The following DIPK1A variants were observed in gnomAD, a reference collection of about 807,000 sequenced individuals.
DIPK1A encodes divergent protein kinase domain 1A.
Under a neutral mutation model 40.8 loss-of-function variants are expected in DIPK1A, and 27 were observed. The observed-to-expected ratio is 0.66, with a 90% CI of 0.49 to 0.91. DIPK1A has a LOEUF of 0.91. Ranked by LOEUF, DIPK1A falls within the 40% of genes least tolerant of loss-of-function variation. The probability of loss-of-function intolerance (pLI) is 0.00; values close to 1 mark genes in which losing one functional copy is unlikely to be tolerated. For missense variants in DIPK1A, 412 were observed against 505.7 expected, an observed-to-expected ratio of 0.81 and a Z score of 1.78; for synonymous variants, 166 against 171.3, an observed-to-expected ratio of 0.97 and a Z score of 0.24.
At chr1:92,860,416 G>A (rs1320400085) in intron 2 of DIPK1A, among the ~76,000 whole-genome samples, 1 of 151,950 alleles carries the variant, frequency 6.6e-6, no homozygotes, top group Non-Finnish European at 1.5e-5. Flanking sequence ...TAATTATAAG[G>A]AAACACAAGC....
chr1:92,908,637 G>C (rs1287774519), intron 1 of DIPK1A, among the ~76,000 whole-genome samples: 2 of 152,122 alleles, frequency 1.3e-5, no homozygotes, highest in Non-Finnish European at 2.9e-5. Flanking sequence ...GACTATGAAG[G>C]GGAGGACAGA....
intron 4 of DIPK1A, chr1:92,833,239 C>T: frequency 7.3e-6 from 5 of 688,548 alleles, no homozygotes; most frequent in South Asian, 5.1e-5. Flanking sequence ...GATTCTTGAC[C>T]CTAGTTGCTT....
chr1:92,937,432 T>G (rs1006352053), intron 1 of DIPK1A, among the ~76,000 whole-genome samples: 1 of 152,242 alleles, frequency 6.6e-6, no homozygotes, highest in Non-Finnish European at 1.5e-5. Flanking sequence ...CTTTTGCAGA[T>G]GTGACTTTCA....
chr1:92,900,484 A>G (rs1173600392), intron 1 of DIPK1A, among the ~76,000 whole-genome samples: 1 of 151,744 alleles, frequency 6.6e-6, no homozygotes, highest in Non-Finnish European at 1.5e-5. Flanking sequence ...TCTTTGTTGA[A>G]TTTCTTGGTC....
At chr1:92,865,589 TA>T (rs1233552025) in intron 2 of DIPK1A, among the ~76,000 whole-genome samples, 1 of 152,192 alleles carries the variant, frequency 6.6e-6, no homozygotes, top group Non-Finnish European at 1.5e-5. Flanking sequence ...CTTGGAGTTT[TA>T]AAAGCCTATT....
chr1:92,871,596 T>C (rs1012477982), intron 2 of DIPK1A, among the ~76,000 whole-genome samples: 4 of 152,234 alleles, frequency 2.6e-5, no homozygotes, highest in African/African-American at 9.6e-5. Context: ...AACTGGTTGA[T>C]TCTTTTATCC....
chr1:92,954,654 C>T (rs1258492291), intron 1 of DIPK1A, among the ~76,000 whole-genome samples: 3 of 152,010 alleles, frequency 2.0e-5, no homozygotes, highest in East Asian at 1.9e-4. Context: ...GGATTACAGA[C>T]GTGAGCCTCC....
At chr1:92,941,572 T>C (rs1249143791) in intron 1 of DIPK1A, among the ~76,000 whole-genome samples, 1 of 152,136 alleles carries the variant, frequency 6.6e-6, no homozygotes. Flanking sequence ...CAATTGCCCT[T>C]TGTTTGGTGT....
At chr1:92,866,124 C>CA (rs1203512543) in intron 2 of DIPK1A, among the ~76,000 whole-genome samples, 5 of 152,178 alleles carry the variant, frequency 3.3e-5, no homozygotes, top group African/African-American at 1.2e-4. Flanking sequence ...TTTTTTGAGA[C>CA]AGAGTCTCTC....
chr1:92,959,390 T>C (rs1343535459), intron 1 of DIPK1A, among the ~76,000 whole-genome samples: 1 of 151,666 alleles, frequency 6.6e-6, no homozygotes, highest in African/African-American at 2.4e-5. Context: ...GATGGGCATA[T>C]GACAGTTCAT....
At chr1:92,945,003 G>A (rs1269656425) in intron 1 of DIPK1A, among the ~76,000 whole-genome samples, 1 of 152,100 alleles carries the variant, frequency 6.6e-6, no homozygotes, top group Non-Finnish European at 1.5e-5. Context: ...CAAAGAAGAA[G>A]ATGGCACAGA....
intron 1 of DIPK1A, among the ~76,000 whole-genome samples, chr1:92,915,989 T>C (rs143361420): frequency 2.0e-5 from 3 of 152,310 alleles, no homozygotes; most frequent in Admixed American, 6.5e-5. Context: ...GAAAACATTT[T>C]GCTAAGTACA....
At chr1:92,854,839 C>T (rs1687931851) in intron 2 of DIPK1A, among the ~76,000 whole-genome samples, 1 of 152,150 alleles carries the variant, frequency 6.6e-6, no homozygotes, top group East Asian at 1.9e-4. Context: ...TAGCAGATGG[C>T]CCGCAATTTC....
chr1:92,921,651 ACCAGCT>A (rs1213894803), intron 1 of DIPK1A, among the ~76,000 whole-genome samples: 3 of 152,184 alleles, frequency 2.0e-5, no homozygotes, highest in African/African-American at 4.8e-5. Flanking sequence ...CTGGAGAAAG[ACCAGCT>A]CCTCGGAGTT....
At chr1:92,902,205 G>T (rs1649444798) in intron 1 of DIPK1A, among the ~76,000 whole-genome samples, 1 of 152,176 alleles carries the variant, frequency 6.6e-6, no homozygotes, top group Non-Finnish European at 1.5e-5. Flanking sequence ...GCACTGGGGA[G>T]GCCTGAGCAG....
At chr1:92,836,130 T>G in intron 4 of DIPK1A, 1 of 1,494,074 alleles carries the variant, frequency 6.7e-7, no homozygotes, top group Admixed American at 1.7e-5. Context: ...ACATAAGCTA[T>G]TTTAATTTTA....
At chr1:92,898,772 T>C (rs1649288975) in intron 1 of DIPK1A, among the ~76,000 whole-genome samples, 1 of 151,976 alleles carries the variant, frequency 6.6e-6, no homozygotes, top group South Asian at 2.1e-4. Context: ...TATGAGTCTG[T>C]CTTATTTAGA....
intron 1 of DIPK1A, among the ~76,000 whole-genome samples, chr1:92,898,252 G>C (rs1202391885): frequency 1.3e-5 from 2 of 152,152 alleles, no homozygotes; most frequent in East Asian, 3.9e-4. Context: ...AAAGTGACAG[G>C]GAGCCAGCCT....
intron 2 of DIPK1A, among the ~76,000 whole-genome samples, chr1:92,872,718 T>A (rs1647931948): frequency 6.6e-6 from 1 of 152,170 alleles, no homozygotes; most frequent in South Asian, 2.1e-4. Context: ...TGGTTGTAGC[T>A]CTGGGTAAAG....
Sources: gnomAD v4.1 joint callset for allele counts (sites outside exome capture counted in the v4.1 genomes callset) on GRCh38, gnomAD v4.1.1 for gene constraint, MANE v1.5 for transcripts, NCBI Gene and HGNC (gene_info 2026-07-23, HGNC 2026-07-21) for gene names.